CTBP1: variants seen among roughly 807,000 people sequenced by gnomAD.
CTBP1 encodes the protein C-terminal binding protein 1.
Under a neutral mutation model 42.1 loss-of-function variants are expected in CTBP1, and 11 were observed. That is an observed-to-expected ratio of 0.26 (90% CI 0.16 to 0.43). The LOEUF is 0.43. Among genes scored for constraint, CTBP1 ranks in the 20% least tolerant of loss-of-function variants. The pLI is 1.00. For synonymous variants in CTBP1, 324 were observed against 277.1 expected, an observed-to-expected ratio of 1.17 and a Z score of -1.68; for missense variants, 399 against 624.3, an observed-to-expected ratio of 0.64 and a Z score of 3.85.
In CTBP1 at chr4:1,238,502, A is replaced by T. The variant is rs1731812975; in HGVS notation, c.8-165T>A. 6.6e-6 allele frequency among the ~76,000 whole-genome samples: 1 copy of T among 152,032 alleles called. No individual in the cohort carries two copies. Among genetic ancestry groups the T allele is most frequent in the South Asian group, 2.1e-4 (1 of 4,814 alleles). On this transcript the variant is annotated intron_variant, in intron 2 of 9. Transcript: ENST00000382952. The surrounding 1 kb of genome is among the most constrained non-coding windows in gnomAD (Gnocchi z 5.9). The stretch of plus-strand genomic sequence containing the variant: ...AAAGTAAATTAAAAATCCACGTGAA[A>T]GACAACTCGTGTGTGCCTCAGCTCG...
At position 1,220,200 on chromosome 4, in the gene CTBP1, C is replaced by CAAA. The variant is rs567811704; in HGVS notation, c.515-3998_515-3996dup. On this transcript the variant is annotated intron_variant, in intron 5 of 9. Transcript: ENST00000382952. ...CTGGCAAGAGAGTGTGACTCTGTCTCAAAAAAAAAAAAAAAAAGGGGCAGA... is the reference window on the plus strand; with the variant it reads ...CTGGCAAGAGAGTGTGACTCTGTCTCAAAAAAAAAAAAAAAAAAAAGGGGCAGA... Among the ~76,000 whole-genome samples, 13 of 58,980 alleles carry CAAA rather than the reference C, an allele frequency of 2.2e-4. 1 individual carries two copies. The East Asian group carries it at 3.2e-3, about 14-fold the overall frequency. 38.7% of individuals were successfully genotyped at this position (58,980 alleles called of 152,430 possible). A position where few individuals can be genotyped will look rare whatever the true frequency, so the allele number is the denominator to read the frequency against.
Position 1,212,848 on chromosome 4 carries a change from T to A in CTBP1, c.1106+65A>T, listed in dbSNP as rs548791372. ...ACGCCGCCCCTCCCACCAGGGGCTG[T>A]GCTGGGATCCAGGGGAAGCCTGGGG... On this transcript the variant is annotated intron_variant, in intron 9 of 9. Transcript: ENST00000382952. The A allele has an allele frequency of 2.9e-6, 4 of 1,399,374 alleles. No homozygotes were observed. In the East Asian group the frequency reaches 9.1e-5, roughly 32 times the overall value. 86.7% of individuals were successfully genotyped at this position (1,399,374 alleles called of 1,614,324 possible).
intron 5 of CTBP1, among the ~76,000 whole-genome samples, chr4:1,224,656 G>A (rs1452257786): frequency 6.6e-6 from 1 of 150,380 alleles, no homozygotes; most frequent in Admixed American, 6.6e-5. Flanking sequence ...ATCTGTGCAG[G>A]CCCTGTGTGC....
intron 5 of CTBP1, chr4:1,217,923 G>T (rs1279926852): frequency 1.3e-5 from 2 of 152,152 alleles, no homozygotes; most frequent in African/African-American, 2.4e-5. Flanking sequence ...GCAGAAAAAT[G>T]GAGGCTTCCG....
chr4:1,217,977 G>A (rs1453771494), intron 5 of CTBP1: 1 of 152,216 alleles, frequency 6.6e-6, no homozygotes, highest in African/African-American at 2.4e-5. Context: ...AGAAATTCCA[G>A]AACGAAAACA....
At chr4:1,229,628 C>G (rs1009905120) in intron 3 of CTBP1, among the ~76,000 whole-genome samples, 1 of 152,228 alleles carries the variant, frequency 6.6e-6, no homozygotes, top group African/African-American at 2.4e-5. Context: ...GCCTGGGTTG[C>G]TGGACCGCAG....
chr4:1,218,749 G>A (rs1391317410), intron 5 of CTBP1, among the ~76,000 whole-genome samples: 1 of 152,106 alleles, frequency 6.6e-6, no homozygotes, highest in African/African-American at 2.4e-5. Context: ...GAGTTATGAA[G>A]GCGTATCCTA....
At chr4:1,219,640 G>A (rs569052391) in intron 5 of CTBP1, among the ~76,000 whole-genome samples, 22 of 152,244 alleles carry the variant, frequency 1.4e-4, no homozygotes, top group Non-Finnish European at 2.9e-4. Context: ...AGATCAGAAA[G>A]GAAAATGTAA....
At chr4:1,248,587 C>G (rs1733011564) in intron 1 of CTBP1, 2 of 749,178 alleles carry the variant, frequency 2.7e-6, no homozygotes, top group Non-Finnish European at 3.3e-6. Context: ...CGTCCCGGGT[C>G]CGACGGGGCT....
intron 1 of CTBP1, among the ~76,000 whole-genome samples, chr4:1,246,967 C>T (rs1366751085): frequency 2.0e-5 from 3 of 152,354 alleles, no homozygotes; most frequent in South Asian, 2.1e-4. Flanking sequence ...CCAATCCCAC[C>T]AGGACATGGC....
rs1474645355 is a variant in CTBP1, at chr4:1,233,641, C to T, written c.162+4542G>A. Among the ~76,000 whole-genome samples the T allele has an allele frequency of 6.6e-6, 1 of 152,156 alleles. No homozygotes were observed. The highest frequency in any genetic ancestry group is 2.1e-4 in the South Asian group (1 of 4,828). ...TGGGGCTGGGCTGAGTCTTGTGTCC[C>T]GGTGGGTGACATCCCCCACCCGTGG... is the stretch of plus-strand genomic sequence containing the variant. On this transcript the variant is annotated intron_variant, in intron 3 of 9. Transcript: ENST00000382952. The surrounding 1 kb of genome is among the most constrained non-coding windows in gnomAD (Gnocchi z 4.6).
intron 1 of CTBP1, among the ~76,000 whole-genome samples, chr4:1,248,354 G>A (rs1025909574): frequency 2.0e-5 from 3 of 151,596 alleles, no homozygotes; most frequent in African/African-American, 7.3e-5. Flanking sequence ...CCTCCTCCAC[G>A]GTCATACCCG....
chr4:1,225,710 C>T lies in CTBP1; in HGVS notation c.308-144G>A, dbSNP rs1024281961. 44 of 826,958 alleles carry T rather than the reference C, an allele frequency of 5.3e-5. No homozygotes were observed. In the Admixed American group the frequency reaches 8.6e-4, roughly 16 times the overall value. 51.2% of individuals were successfully genotyped at this position (826,958 alleles called of 1,614,324 possible). A position where few individuals can be genotyped will look rare whatever the true frequency, so the allele number is the denominator to read the frequency against. On this transcript the variant is annotated intron_variant, in intron 4 of 9. Coordinates refer to ENST00000382952, the MANE Select transcript of CTBP1 (RefSeq NM_001012614.2). Reference sequence around the variant, plus strand: ...TCCCCAAGGCCACCCCGGGAGGCCACGAGATGAACACGTTGCTCACAGGTC... The same window carrying T: ...TCCCCAAGGCCACCCCGGGAGGCCATGAGATGAACACGTTGCTCACAGGTC...
At position 1,213,847 on chromosome 4, in the gene CTBP1, G is replaced by A. The variant is rs1389240906; in HGVS notation, c.861-242C>T. On this transcript the variant is annotated intron_variant, in intron 7 of 9. Coordinates refer to ENST00000382952, the MANE Select transcript of CTBP1 (RefSeq NM_001012614.2). ...AAGGGATTTAATCTCCAAGTCCCTC[G>A]TGGGAGGAGCCCTGATGGGGGGACA... 12 of 525,510 alleles carry A rather than the reference G, an allele frequency of 2.3e-5. No individual in the cohort carries two copies. The South Asian group carries it at 2.8e-4, about 12-fold the overall frequency. The allele number at this position is 525,510 out of a possible 1,614,324, so 32.6% of individuals were successfully genotyped here.
chr4:1,224,825 G>A (rs919921086), intron 5 of CTBP1, among the ~76,000 whole-genome samples: 1 of 149,306 alleles, frequency 6.7e-6, no homozygotes, highest in Non-Finnish European at 1.5e-5. Context: ...GTGAGGTCAT[G>A]TATACTGTGA....
chr4:1,228,649 G>C lies in CTBP1; in HGVS notation c.163-306C>G, dbSNP rs769118490. Among the ~76,000 whole-genome samples, 5 of 132,596 alleles carry C rather than the reference G, an allele frequency of 3.8e-5. No individual in the cohort carries two copies. In the East Asian group the frequency reaches 6.8e-4, roughly 18 times the overall value. 87.0% of individuals were successfully genotyped at this position (132,596 alleles called of 152,430 possible). On this transcript the variant is annotated intron_variant, in intron 3 of 9. Transcript: ENST00000382952. The stretch of plus-strand genomic sequence containing the variant: ...TGTGGTGGCTGAGATGTCTCCTTTT[G>C]AGCGTGCGCCCCACCGAGACTCTGC...
At chr4:1,234,170 G>A (rs116605720) in intron 3 of CTBP1, among the ~76,000 whole-genome samples, 3 of 152,350 alleles carry the variant, frequency 2.0e-5, no homozygotes, top group African/African-American at 7.2e-5. Context: ...ACGCGGACTC[G>A]GCATCCAGGC....
intron 1 of CTBP1, chr4:1,244,312 G>C (rs866233954): frequency 7.1e-6 from 7 of 983,034 alleles, no homozygotes; most frequent in Non-Finnish European, 8.4e-6. Flanking sequence ...CATGGGCTGG[G>C]ACCTGCCCCG....
intron 1 of CTBP1, among the ~76,000 whole-genome samples, chr4:1,248,335 G>A (rs1055272239): frequency 6.6e-6 from 1 of 151,764 alleles, no homozygotes; most frequent in African/African-American, 2.4e-5. Flanking sequence ...CCCGGTCTGA[G>A]GGCAGCGGCC....
Sources: allele counts gnomAD v4.1 joint callset (sites outside exome capture counted in the v4.1 genomes callset), GRCh38; gene constraint gnomAD v4.1.1; non-coding constraint Gnocchi (gnomAD v3.1); transcripts MANE v1.5; gene names NCBI Gene and HGNC (gene_info 2026-07-23, HGNC 2026-07-21).